GUCY1A2: variants seen among roughly 807,000 people sequenced by gnomAD.
GUCY1A2 encodes guanylate cyclase soluble subunit alpha-2.
A neutral mutation model predicts 63.5 loss-of-function variants in GUCY1A2; 27 were observed. That is an observed-to-expected ratio of 0.43 (90% CI 0.31 to 0.59). The LOEUF is 0.59. Ranked by LOEUF, GUCY1A2 falls within the 20% of genes least tolerant of loss-of-function variation. The probability of loss-of-function intolerance (pLI) is 0.11; values close to 1 mark genes in which losing one functional copy is unlikely to be tolerated. For synonymous variants in GUCY1A2, 364 were observed against 343.5 expected, an observed-to-expected ratio of 1.06 and a Z score of -0.66; for missense variants, 768 against 913.3, an observed-to-expected ratio of 0.84 and a Z score of 2.05.
intron 4 of GUCY1A2, among the ~76,000 whole-genome samples, chr11:106,893,327 T>A (rs565264965): frequency 1.3e-5 from 2 of 152,274 alleles, no homozygotes; most frequent in African/African-American, 4.8e-5. Context: ...TAAAGGCATC[T>A]TGCTGAAATC....
intron 6 of GUCY1A2, among the ~76,000 whole-genome samples, chr11:106,733,683 G>A (rs568306411): frequency 1.0e-4 from 15 of 150,498 alleles, no homozygotes; most frequent in African/African-American, 2.2e-4. Flanking sequence ...CGAGCTGACC[G>A]AGTGGTGGGG....
intron 4 of GUCY1A2, among the ~76,000 whole-genome samples, chr11:106,889,493 T>C (rs74573444): frequency 1.0e-3 from 152 of 152,290 alleles, no homozygotes; most frequent in Non-Finnish European, 1.9e-3. Context: ...TTCAATTGTC[T>C]CACAGCTCAC....
intron 6 of GUCY1A2, among the ~76,000 whole-genome samples, chr11:106,708,883 G>T (rs1043932397): frequency 6.6e-6 from 1 of 151,358 alleles, no homozygotes; most frequent in Non-Finnish European, 1.5e-5. Context: ...CAAATAAATA[G>T]ATTAAGTATA....
chr11:106,965,431 G>A (rs1244799023), intron 3 of GUCY1A2, among the ~76,000 whole-genome samples: 1 of 152,142 alleles, frequency 6.6e-6, no homozygotes. Flanking sequence ...GTGTATGTAT[G>A]TACTTATGTA....
chr11:106,973,800 A>C lies in GUCY1A2; in HGVS notation c.487+4819T>G, dbSNP rs549676977. Among the ~76,000 whole-genome samples, 6 of 152,266 alleles carry C rather than the reference A, an allele frequency of 3.9e-5. No homozygotes were observed. The South Asian group carries it at 1.2e-3, about 32-fold the overall frequency. ...CTAAAAAAGTAAGCAAACCTTCTGCATCTGATGCAAACATTATTTGGGGAA... is the reference window on the plus strand; with the variant it reads ...CTAAAAAAGTAAGCAAACCTTCTGCCTCTGATGCAAACATTATTTGGGGAA... On this transcript the variant is annotated intron_variant, in intron 3 of 7. Coordinates refer to ENST00000526355, the MANE Select transcript of GUCY1A2 (RefSeq NM_000855.3).
intron 2 of GUCY1A2, among the ~76,000 whole-genome samples, chr11:106,984,142 C>T (rs1307787812): frequency 6.6e-6 from 1 of 152,134 alleles, no homozygotes; most frequent in Non-Finnish European, 1.5e-5. Context: ...GCCAACAGGC[C>T]CCCTTTGTCT....
At chr11:106,859,153 G>A (rs527254376) in intron 4 of GUCY1A2, among the ~76,000 whole-genome samples, 38 of 152,034 alleles carry the variant, frequency 2.5e-4, no homozygotes, top group African/African-American at 8.2e-4. Context: ...GGGTAAGAGT[G>A]CAGTAATTAT....
intron 4 of GUCY1A2, among the ~76,000 whole-genome samples, chr11:106,906,698 A>G (rs571098251): frequency 1.6e-4 from 25 of 152,354 alleles, no homozygotes; most frequent in Non-Finnish European, 3.4e-4. Context: ...AATGCCCATC[A>G]ATGATAGACT....
chr11:106,695,283 G>A (rs911102761), intron 7 of GUCY1A2, among the ~76,000 whole-genome samples: 1 of 152,102 alleles, frequency 6.6e-6, no homozygotes, highest in East Asian at 1.9e-4. Flanking sequence ...AAGCCATTTT[G>A]TTGTCGTTTC....
At chr11:106,808,126 T>C (rs1255071001) in intron 5 of GUCY1A2, among the ~76,000 whole-genome samples, 1 of 152,138 alleles carries the variant, frequency 6.6e-6, no homozygotes, top group Non-Finnish European at 1.5e-5. Flanking sequence ...CCCATCCCTC[T>C]AGAGAACCCT....
At position 106,682,217 on chromosome 11, in the gene GUCY1A2, T is replaced by C. The variant is rs532921460; in HGVS notation, c.*5332A>G. 1 of 212,634 alleles carries C rather than the reference T, an allele frequency of 4.7e-6. No homozygotes were observed. The highest frequency in any genetic ancestry group is 1.9e-4 in the South Asian group (1 of 5,252). 13.2% of individuals were successfully genotyped at this position (212,634 alleles called of 1,614,324 possible). Reference sequence around the variant, plus strand: ...CTAAAATTAAAATTTGTGAAAGAAATAATGGTATGAGGCCTAGAGTATTTA... The same window carrying C: ...CTAAAATTAAAATTTGTGAAAGAAACAATGGTATGAGGCCTAGAGTATTTA... On this transcript the variant is annotated 3_prime_UTR_variant, in exon 8 of 8. Coordinates refer to ENST00000526355, the MANE Select transcript of GUCY1A2 (RefSeq NM_000855.3).
At chr11:106,810,533 A>C in intron 4 of GUCY1A2, 55 bp from the exon 5 acceptor site, 2 of 1,406,714 alleles carry the variant, frequency 1.4e-6, no homozygotes, top group Non-Finnish European at 1.9e-6. Context: ...AGGTTCACAA[A>C]ATTTAATATA....
chr11:106,872,322 T>C (rs561172337), intron 4 of GUCY1A2, among the ~76,000 whole-genome samples: 11 of 152,286 alleles, frequency 7.2e-5, no homozygotes, highest in African/African-American at 2.4e-4. Flanking sequence ...GCAATAAAAA[T>C]ACTAATATTA....
chr11:106,785,563 G>A (rs1421428518), intron 5 of GUCY1A2, among the ~76,000 whole-genome samples: 1 of 151,628 alleles, frequency 6.6e-6, no homozygotes, highest in Non-Finnish European at 1.5e-5. Flanking sequence ...CCTGAGTACA[G>A]TATCAGGATG....
intron 5 of GUCY1A2, among the ~76,000 whole-genome samples, chr11:106,794,314 G>A (rs1194954762): frequency 6.6e-6 from 1 of 152,116 alleles, no homozygotes; most frequent in Non-Finnish European, 1.5e-5. Flanking sequence ...TATGAACAGA[G>A]AGTAGAATGG....
chr11:106,687,987 A>C (rs1862558833), intron 7 of GUCY1A2, among the ~76,000 whole-genome samples: 1 of 152,212 alleles, frequency 6.6e-6, no homozygotes, highest in Admixed American at 6.5e-5. Flanking sequence ...GTATGGTACT[A>C]CCTGAAAATA....
At chr11:106,977,816 C>A (rs1354576058) in intron 3 of GUCY1A2, among the ~76,000 whole-genome samples, 1 of 152,102 alleles carries the variant, frequency 6.6e-6, no homozygotes. Flanking sequence ...CCACTAGCAC[C>A]CTCCAGCACC....
intron 4 of GUCY1A2, among the ~76,000 whole-genome samples, chr11:106,871,384 A>T (rs1327028573): frequency 6.6e-6 from 1 of 152,160 alleles, no homozygotes; most frequent in Non-Finnish European, 1.5e-5. Flanking sequence ...CTAGATGTCC[A>T]AAAATCAAGG....
At chr11:106,704,805 CATG>C (rs1445512968) in intron 7 of GUCY1A2, among the ~76,000 whole-genome samples, 1 of 151,514 alleles carries the variant, frequency 6.6e-6, no homozygotes, top group African/African-American at 2.4e-5. Context: ...AGATCAGCAG[CATG>C]ATGTTAAGAC....
Sources: allele counts gnomAD v4.1 joint callset (sites outside exome capture counted in the v4.1 genomes callset), GRCh38; gene constraint gnomAD v4.1.1; transcripts MANE v1.5; gene names NCBI Gene and HGNC (gene_info 2026-07-23, HGNC 2026-07-21).